NRG1: variants seen among roughly 807,000 people sequenced by gnomAD.
NRG1 encodes neuregulin 1, also known as pro-neuregulin-1, membrane-bound isoform.
A neutral mutation model predicts 63.8 loss-of-function variants in NRG1; 18 were observed. That is an observed-to-expected ratio of 0.28 (90% CI 0.19 to 0.42). The LOEUF is 0.42. Among genes scored for constraint, NRG1 ranks in the 10% least tolerant of loss-of-function variants. The probability of loss-of-function intolerance (pLI) is 1.00; values close to 1 mark genes in which losing one functional copy is unlikely to be tolerated. For synonymous variants in NRG1, 302 were observed against 301.3 expected (o/e 1.00, Z -0.02); for missense variants, 762 against 814.7 (o/e 0.94, Z 0.79).
At chr8:32,129,581 G>A (rs929478661) in intron 1 of NRG1, among the ~76,000 whole-genome samples, 4 of 151,786 alleles carry the variant, frequency 2.6e-5, no homozygotes, top group African/African-American at 9.7e-5. Context: ...TCCAAATAAC[G>A]CTACATTCAC....
intron 5 of NRG1, among the ~76,000 whole-genome samples, chr8:32,706,551 AGG>A (rs1491414548): frequency 7.0e-5 from 4 of 56,754 alleles, no homozygotes; most frequent in Admixed American, 6.4e-4. Flanking sequence ...GGGTATATAT[AGG>A]TGTGTGTGTG....
chr8:32,425,783 C>CGATAGA lies in NRG1; in HGVS notation c.38-170043_38-170038dup, dbSNP rs369478565. Among the ~76,000 whole-genome samples the CGATAGA allele has an allele frequency of 6.0e-3, 917 of 152,044 alleles. 10 individuals carry two copies. The highest frequency in any genetic ancestry group is 0.021 in the African/African-American group (885 of 41,446). On this transcript the variant is annotated intron_variant, in intron 1 of 10. Transcript: ENST00000519301. ...TAAAGTTTCTAATATTAAAGTCACA[C>CGATAGA]GATAGAGGAGCTAGAGGCTTAAGAA...
intron 1 of NRG1, among the ~76,000 whole-genome samples, chr8:32,415,877 A>C (rs1175670554): frequency 6.6e-6 from 1 of 152,236 alleles, no homozygotes; most frequent in Non-Finnish European, 1.5e-5. Context: ...AATTCTGGAC[A>C]GTCCCTTTGT....
intron 1 of NRG1, among the ~76,000 whole-genome samples, chr8:31,934,960 T>C (rs1835178693): frequency 1.3e-5 from 2 of 152,110 alleles, no homozygotes; most frequent in Admixed American, 6.6e-5. Flanking sequence ...GTTTTTGTTT[T>C]AATAGAGTCA....
rs78054511 is a variant in NRG1, at chr8:32,398,712, G to A, written c.38-197116G>A. On this transcript the variant is annotated intron_variant, in intron 1 of 10. Transcript: ENST00000519301. Reference sequence around the variant, plus strand: ...TTACAGGTGTGAGACACTGCACCCAGCCTCTAATATTTTTTAGAACATCCA... The same window carrying A: ...TTACAGGTGTGAGACACTGCACCCAACCTCTAATATTTTTTAGAACATCCA... Among the ~76,000 whole-genome samples, 909 of 152,164 alleles carry A rather than the reference G, an allele frequency of 6.0e-3. 6 individuals carry two copies. The highest frequency in any genetic ancestry group is 0.02 in the African/African-American group (841 of 41,498).
At chr8:32,612,178 T>A (rs1233954370) in intron 3 of NRG1, among the ~76,000 whole-genome samples, 1 of 152,106 alleles carries the variant, frequency 6.6e-6, no homozygotes, top group East Asian at 1.9e-4. Context: ...GAAAATATGT[T>A]GCTTAAATAA....
intron 1 of NRG1, among the ~76,000 whole-genome samples, chr8:32,164,038 C>T (rs751389879): frequency 4.3e-4 from 65 of 152,272 alleles, no homozygotes; most frequent in Middle Eastern, 3.4e-3. Context: ...CATGTGAGTG[C>T]GTGAACATTC....
chr8:32,086,959 C>G (rs1828311465), intron 1 of NRG1, among the ~76,000 whole-genome samples: 1 of 152,146 alleles, frequency 6.6e-6, no homozygotes, highest in Non-Finnish European at 1.5e-5. Context: ...ATTGTTAACT[C>G]TAGATAGGAC....
intron 1 of NRG1, among the ~76,000 whole-genome samples, chr8:31,932,173 T>A (rs1260791853): frequency 6.6e-6 from 1 of 152,072 alleles, no homozygotes; most frequent in Non-Finnish European, 1.5e-5. Context: ...GCTTACCAAT[T>A]ACAGCATGTG....
At chr8:32,138,004 C>T (rs757007388) in intron 1 of NRG1, among the ~76,000 whole-genome samples, 3 of 152,076 alleles carry the variant, frequency 2.0e-5, no homozygotes, top group Admixed American at 2.0e-4. Flanking sequence ...GATGTTGAAG[C>T]GTCTTGGAGT....
rs370272852 is a variant in NRG1, at chr8:32,647,621, G to T, written c.502+30736G>T. The T allele has an allele frequency of 8.9e-6, 13 of 1,454,738 alleles. No homozygotes were observed. The East Asian group carries it at 9.3e-5, about 10-fold the overall frequency. The allele number at this position is 1,454,738 out of a possible 1,614,324, so 90.1% of individuals were successfully genotyped here. Reference sequence around the variant, plus strand: ...TGGCCTTGGACTTGGACGATTTATCGATTTCCCCCTGTAAGATGCTGTATC... The same window carrying T: ...TGGCCTTGGACTTGGACGATTTATCTATTTCCCCCTGTAAGATGCTGTATC... On this transcript the variant is annotated intron_variant, in intron 5 of 11. Transcript: ENST00000356819.
chr8:32,734,660 A>T (rs1051025544), intron 6 of NRG1, among the ~76,000 whole-genome samples: 1 of 152,214 alleles, frequency 6.6e-6, no homozygotes, highest in African/African-American at 2.4e-5. Flanking sequence ...ATGTCCTCAT[A>T]TATCTAGAAT....
chr8:31,925,467 C>T (rs920513176), intron 1 of NRG1, among the ~76,000 whole-genome samples: 1 of 151,866 alleles, frequency 6.6e-6, no homozygotes, highest in African/African-American at 2.4e-5. Context: ...ATTTATCGTG[C>T]TTGAGTTTGG....
At chr8:32,231,193 G>A (rs1846896212) in intron 1 of NRG1, among the ~76,000 whole-genome samples, 2 of 151,974 alleles carry the variant, frequency 1.3e-5, no homozygotes, top group African/African-American at 2.4e-5. Context: ...TTAAAAAAAG[G>A]GTATTTTTAA....
chr8:32,424,664 G>A (rs1817120371), intron 1 of NRG1, among the ~76,000 whole-genome samples: 1 of 152,078 alleles, frequency 6.6e-6, no homozygotes, highest in Admixed American at 6.5e-5. Flanking sequence ...GAGCCCAGAA[G>A]TTCAAGACAT....
intron 1 of NRG1, among the ~76,000 whole-genome samples, chr8:32,589,233 T>C (rs1842125442): frequency 6.6e-6 from 1 of 152,214 alleles, no homozygotes; most frequent in Non-Finnish European, 1.5e-5. Context: ...TTATCCACTC[T>C]GTTGCAGGAC....
At chr8:32,077,595 T>A (rs1300880738) in intron 1 of NRG1, among the ~76,000 whole-genome samples, 3 of 152,150 alleles carry the variant, frequency 2.0e-5, no homozygotes, top group Non-Finnish European at 4.4e-5. Flanking sequence ...GTATTGCTTT[T>A]GAAATTTTAA....
intron 1 of NRG1, among the ~76,000 whole-genome samples, chr8:32,336,340 T>C (rs775478092): frequency 6.6e-6 from 1 of 152,102 alleles, no homozygotes; most frequent in Non-Finnish European, 1.5e-5. Flanking sequence ...AGGGCAGCCA[T>C]GGAGCAGCGA....
At chr8:31,830,551 C>T (rs1017178285) in intron 1 of NRG1, among the ~76,000 whole-genome samples, 3 of 152,112 alleles carry the variant, frequency 2.0e-5, no homozygotes, top group African/African-American at 7.2e-5. Flanking sequence ...GGGTTGATTT[C>T]AGCTGAGGTT....
Sources: allele counts gnomAD v4.1 joint callset (sites outside exome capture counted in the v4.1 genomes callset), GRCh38; gene constraint gnomAD v4.1.1; transcripts MANE v1.5; gene names NCBI Gene and HGNC (gene_info 2026-07-23, HGNC 2026-07-21).